MYCBP2: variants seen among roughly 807,000 people sequenced by gnomAD.
MYCBP2 encodes the protein MYC binding protein 2, also known as E3 ubiquitin-protein ligase MYCBP2.
In MYCBP2, 120 loss-of-function variants were observed where a neutral mutation model predicts 525.3. The observed-to-expected ratio is 0.23, with a 90% confidence interval of 0.20 to 0.27. The LOEUF (loss-of-function observed/expected upper bound fraction) is 0.27. Among genes scored for constraint, MYCBP2 ranks in the 10% least tolerant of loss-of-function variants. The pLI is 1.00. For synonymous variants in MYCBP2, 1,894 were observed against 1,955.8 expected (o/e 0.97, Z 0.83); for missense variants, 4,149 against 5,657.1 (o/e 0.73, Z 8.55).
intron 54 of MYCBP2, 40 bp downstream of exon 54, chr13:77,125,296 A>T: frequency 6.2e-7 from 1 of 1,611,004 alleles, no homozygotes; most frequent in Non-Finnish European, 8.5e-7. Flanking sequence ...CTGTATTTGA[A>T]AGCTTAATTG....
At position 77,270,041 on chromosome 13, in the gene MYCBP2, G is replaced by T; in HGVS notation, c.1211C>A (p.Ser404Tyr). 1 of 1,611,954 alleles carries T rather than the reference G, an allele frequency of 6.2e-7. No homozygotes were observed. ...TVRGHIYNST[S>Y]RIRNRKEKKS... ...TTTTTCTTTTCTGTTTCTAATACGGGATGTAGAATTGTATATATGGCCCTG... is the reference window on the plus strand; with the variant it reads ...TTTTTCTTTTCTGTTTCTAATACGGTATGTAGAATTGTATATATGGCCCTG... The change falls in exon 7 of 83, where the codon TCC (serine) becomes TAC (tyrosine). Residue 404 changes from serine (S) to tyrosine (Y), a missense_variant. Physicochemically the swap from Ser to Tyr is moderately radical, Grantham distance 144 (BLOSUM62 -2). Transcript: ENST00000544440.
At chr13:77,316,642 G>C (rs2080974975) in intron 1 of MYCBP2, among the ~76,000 whole-genome samples, 1 of 146,036 alleles carries the variant, frequency 6.8e-6, no homozygotes. Context: ...AGGAAGGAAA[G>C]TGGGTCAAAC....
At chr13:77,289,131 C>T (rs1362187758) in intron 2 of MYCBP2, among the ~76,000 whole-genome samples, 1 of 151,576 alleles carries the variant, frequency 6.6e-6, no homozygotes. Flanking sequence ...CTAAGATAAA[C>T]AAAATGATAC....
chr13:77,101,246 G>C (rs1451954638), intron 55 of MYCBP2, among the ~76,000 whole-genome samples: 1 of 151,926 alleles, frequency 6.6e-6, no homozygotes, highest in Non-Finnish European at 1.5e-5. Context: ...ACTGAAAGAG[G>C]TTTTCTCTCT....
intron 52 of MYCBP2, among the ~76,000 whole-genome samples, chr13:77,128,075 G>C (rs975371976): frequency 6.6e-6 from 1 of 151,500 alleles, no homozygotes; most frequent in African/African-American, 2.4e-5. Context: ...TGTAAAATAC[G>C]CATTTTATAT....
chr13:77,085,495 T>A (rs1293519115), intron 62 of MYCBP2, among the ~76,000 whole-genome samples: 1 of 152,170 alleles, frequency 6.6e-6, no homozygotes, highest in Non-Finnish European at 1.5e-5. Flanking sequence ...GCCTGACCTA[T>A]CCAGTACTAA....
At chr13:77,080,785 T>C (rs2043165556) in intron 65 of MYCBP2, 1 of 151,970 alleles carries the variant, frequency 6.6e-6, no homozygotes, top group South Asian at 2.1e-4. Context: ...CTACTAAAAA[T>C]ACAAAAATTA....
At chr13:77,056,940 A>T in intron 79 of MYCBP2, 46 bp downstream of exon 79, 1 of 1,414,790 alleles carries the variant, frequency 7.1e-7, no homozygotes, top group Non-Finnish European at 1.0e-6. Context: ...GTGAAAAGAA[A>T]GAACAAAAGA....
At chr13:77,055,339 C>A (rs976211540) in intron 80 of MYCBP2, among the ~76,000 whole-genome samples, 5 of 152,132 alleles carry the variant, frequency 3.3e-5, no homozygotes, top group African/African-American at 9.7e-5. Flanking sequence ...TACAGAAATA[C>A]TGCATGTTTC....
chr13:77,123,321 CAAGAGT>C (rs1415887724), intron 54 of MYCBP2, among the ~76,000 whole-genome samples: 3 of 152,112 alleles, frequency 2.0e-5, no homozygotes, highest in Admixed American at 2.0e-4. Flanking sequence ...ATCTATACAT[CAAGAGT>C]AAAAGATGAT....
Position 77,146,171 on chromosome 13 carries a change from G to T in MYCBP2, c.7178C>A (p.Thr2393Asn). 6.3e-7 allele frequency: 1 copy of T among 1,592,090 alleles called. No individual in the cohort carries two copies. The highest frequency in any genetic ancestry group is 2.3e-5 in the East Asian group (1 of 43,768). Residue 2393 changes from threonine (T) to asparagine (N), a missense_variant, in exon 48 of 83, where the codon ACT becomes AAT. By Grantham distance (65) the Thr-to-Asn change is moderately conservative. Around this residue, in one of 21 missense-constraint regions of MYCBP2, gnomAD observed 692 missense variants for 852.7 expected, o/e 0.81. Coordinates refer to ENST00000544440, the MANE Select transcript of MYCBP2 (RefSeq NM_015057.5). ...SFEELRFASP[T>N]PKRPSENMLI... Reference sequence around the variant, plus strand: ...AGAAAACGATCCTTACCTCTTAGGAGTTGGTGATGCAAAACGTAGTTCTTC... The same window carrying T: ...AGAAAACGATCCTTACCTCTTAGGATTTGGTGATGCAAAACGTAGTTCTTC...
At chr13:77,079,908 C>A (rs1340030232) in intron 65 of MYCBP2, among the ~76,000 whole-genome samples, 1 of 152,118 alleles carries the variant, frequency 6.6e-6, no homozygotes, top group Non-Finnish European at 1.5e-5. Flanking sequence ...TAGATGTCAG[C>A]TTACATGTTG....
intron 68 of MYCBP2, among the ~76,000 whole-genome samples, chr13:77,076,392 T>G (rs933574123): frequency 3.9e-5 from 6 of 152,180 alleles, no homozygotes; most frequent in Admixed American, 3.9e-4. Context: ...ACAAATTTCA[T>G]GAAGAGGATA....
In MYCBP2 at chr13:77,293,289, T is replaced by C. The variant is rs1156631604; in HGVS notation, c.378+3310A>G. On this transcript the variant is annotated intron_variant, in intron 2 of 82. Transcript: ENST00000544440. ...TAATCACAGAAGAAAAGAGAACTAT[T>C]TGACCAGAAAAAATAATAAGATAGT... Among the ~76,000 whole-genome samples the C allele has an allele frequency of 2.0e-5, 3 of 152,168 alleles. No homozygotes were observed. The East Asian group carries it at 5.8e-4, about 29-fold the overall frequency.
chr13:77,297,236 T>G lies in MYCBP2; in HGVS notation c.303-562A>C, dbSNP rs75345734. Reference sequence around the variant, plus strand: ...TTGAGAAACAGAAAAAAATATGTGATAAAGAATAAGAATTATGGTGCAAGA... The same window carrying G: ...TTGAGAAACAGAAAAAAATATGTGAGAAAGAATAAGAATTATGGTGCAAGA... On this transcript the variant is annotated intron_variant, in intron 1 of 82. Coordinates refer to ENST00000544440, the MANE Select transcript of MYCBP2 (RefSeq NM_015057.5). Among the ~76,000 whole-genome samples, 1,378 of 152,268 alleles carry G rather than the reference T, an allele frequency of 9.0e-3. 22 individuals carry two copies. Among genetic ancestry groups the G allele is most frequent in the African/African-American group, 0.032 (1,309 of 41,540 alleles).
chr13:77,194,845 T>C (rs2061601780), intron 26 of MYCBP2, among the ~76,000 whole-genome samples: 1 of 151,748 alleles, frequency 6.6e-6, no homozygotes, highest in Non-Finnish European at 1.5e-5. Context: ...TAACAAAATA[T>C]AGTTCAAAGT....
chr13:77,108,454 T>A (rs1370687313), intron 55 of MYCBP2, among the ~76,000 whole-genome samples: 1 of 152,180 alleles, frequency 6.6e-6, no homozygotes, highest in Non-Finnish European at 1.5e-5. Flanking sequence ...GAGCATTAAC[T>A]TGAGACACAA....
chr13:77,081,458 G>A lies in MYCBP2; in HGVS notation c.11387C>T (p.Ser3796Phe). 6.2e-7 allele frequency: 1 copy of A among 1,612,450 alleles called. No homozygotes were observed. Among genetic ancestry groups the A allele is most frequent in the Non-Finnish European group, 8.5e-7 (1 of 1,179,752 alleles). Residue 3796 changes from serine (S) to phenylalanine (F), a missense_variant, in exon 65 of 83, where the codon TCT becomes TTT. Transcript: ENST00000544440. The surrounding 1 kb of genome is among the most constrained non-coding windows in gnomAD (Gnocchi z 4.6). ...ATCTCGGGAATTGTCCACGTGAACA[G>A]ACACATAGCGGGCATTGATTCCTTT... Reference protein sequence around the residue: ...CVKGINARYVSVHVDNSRDLG... With the variant: ...CVKGINARYVFVHVDNSRDLG...
Position 77,262,042 on chromosome 13 carries a change from G to A in MYCBP2, c.1647+11C>T, listed in dbSNP as rs2073384875. The stretch of plus-strand genomic sequence containing the variant: ...AGAATGCTCATTTTTAATCCAAAGA[G>A]AATAATTTACCTTTCCATTTGCTGT... On this transcript the variant is annotated intron_variant, in intron 11 of 82. Coordinates refer to ENST00000544440, the MANE Select transcript of MYCBP2 (RefSeq NM_015057.5). 2.5e-6 allele frequency: 4 copies of A among 1,603,794 alleles called. No individual in the cohort carries two copies. The highest frequency in any genetic ancestry group is 2.7e-5 in the African/African-American group (2 of 74,752).
Sources: gnomAD v4.1 joint callset for allele counts (sites outside exome capture counted in the v4.1 genomes callset) on GRCh38, gnomAD v4.1.1 for gene constraint, gnomAD v4.1.1 regional missense constraint, Gnocchi (gnomAD v3.1) non-coding constraint, MANE v1.5 for transcripts, NCBI Gene and HGNC (gene_info 2026-07-23, HGNC 2026-07-21) for gene names.